RASGEF1C: variants seen among roughly 807,000 people sequenced by gnomAD.
The protein encoded by RASGEF1C is ras-GEF domain-containing family member 1C.
RASGEF1C carries 27 observed loss-of-function variants against 58.1 expected under a neutral mutation model. That is an observed-to-expected ratio of 0.46 (90% CI 0.34 to 0.64). The LOEUF (loss-of-function observed/expected upper bound fraction) is 0.64, where lower values mean the gene tolerates loss of function less well. Among genes scored for constraint, RASGEF1C ranks in the 30% least tolerant of loss-of-function variants. The pLI is 0.01. For missense variants in RASGEF1C, 502 were observed against 605.1 expected, an observed-to-expected ratio of 0.83 and a Z score of 1.79; for synonymous variants, 243 against 246.3, an observed-to-expected ratio of 0.99 and a Z score of 0.13.
At chr5:180,194,657 C>T (rs1269801313) in intron 1 of RASGEF1C, among the ~76,000 whole-genome samples, 1 of 152,240 alleles carries the variant, frequency 6.6e-6, no homozygotes, top group Non-Finnish European at 1.5e-5. Context: ...CCACTGTGGT[C>T]AGGACACTGC....
At position 180,177,468 on chromosome 5, in the gene RASGEF1C, C is replaced by G. The variant is rs573221704; in HGVS notation, c.-7+31560G>C. Among the ~76,000 whole-genome samples the G allele has an allele frequency of 1.3e-5, 2 of 152,252 alleles. No homozygotes were observed. Among genetic ancestry groups the G allele is most frequent in the African/African-American group, 4.8e-5 (2 of 41,472 alleles). Reference sequence around the variant, plus strand: ...GCAGTCCACGGGCAGGGCAGAGCCCCGGGCTTCCTTCCGGGACCCCTGCCA... The same window carrying G: ...GCAGTCCACGGGCAGGGCAGAGCCCGGGGCTTCCTTCCGGGACCCCTGCCA... On this transcript the variant is annotated intron_variant, in intron 1 of 13. Coordinates refer to ENST00000361132, the MANE Select transcript of RASGEF1C (RefSeq NM_175062.4). The surrounding 1 kb of genome is among the most constrained non-coding windows in gnomAD (Gnocchi z 5.0).
rs1480527310 is a variant in RASGEF1C at position 180,137,084 on chromosome 5, G to A, written c.300+506C>T. On this transcript the variant is annotated intron_variant, in intron 3 of 13. Transcript: ENST00000361132. The surrounding 1 kb of genome is among the most constrained non-coding windows in gnomAD (Gnocchi z 4.1). ...AGAGGGCGGGAGGGAGACAGGCCAC[G>A]GTGCAGTGCTGTGGTGTGAGGCCCG... is the stretch of plus-strand genomic sequence containing the variant. 6.6e-6 allele frequency among the ~76,000 whole-genome samples: 1 copy of A among 152,190 alleles called. No homozygotes were observed. The highest frequency in any genetic ancestry group is 1.5e-5 in the Non-Finnish European group (1 of 68,038).
At position 180,102,794 on chromosome 5, in the gene RASGEF1C, C is replaced by T. The variant is rs116695271; in HGVS notation, c.1304-651G>A. ...CTCCCCTAATACTGTGCTGTCTTAACGACCATAGCGCTATCATATCAGCCT... is the reference window on the plus strand; with the variant it reads ...CTCCCCTAATACTGTGCTGTCTTAATGACCATAGCGCTATCATATCAGCCT... On this transcript the variant is annotated intron_variant, in intron 12 of 13. Transcript: ENST00000361132. Among the ~76,000 whole-genome samples, 647 of 152,262 alleles carry T rather than the reference C, an allele frequency of 4.2e-3. 6 individuals carry two copies. The highest frequency in any genetic ancestry group is 0.015 in the African/African-American group (610 of 41,556).
Position 180,158,638 on chromosome 5 carries a change from C to T in RASGEF1C, c.-6-20580G>A, listed in dbSNP as rs539080145. Among the ~76,000 whole-genome samples the T allele has an allele frequency of 5.2e-4, 79 of 152,174 alleles. No individual in the cohort carries two copies. Among genetic ancestry groups the T allele is most frequent in the African/African-American group, 1.7e-3 (71 of 41,524 alleles). ...GTCCTAGTTTTAGTACTGAAAATCCCGTATCCCAAGAAAAACCCCTCAGTC... is the reference window on the plus strand; with the variant it reads ...GTCCTAGTTTTAGTACTGAAAATCCTGTATCCCAAGAAAAACCCCTCAGTC... On this transcript the variant is annotated intron_variant, in intron 1 of 13. Coordinates refer to ENST00000361132, the MANE Select transcript of RASGEF1C (RefSeq NM_175062.4). This position sits in a 1 kb window ranked among gnomAD's most constrained non-coding sequence, Gnocchi z 4.0.
chr5:180,208,988 G>A (rs1253430606), intron 1 of RASGEF1C, 40 bp downstream of exon 1: 1 of 146,370 alleles, frequency 6.8e-6, no homozygotes, highest in Non-Finnish European at 1.5e-5. Flanking sequence ...CCGCGCCCTT[G>A]CCCGCACCGC....
chr5:180,151,218 C>T (rs1766740516), intron 1 of RASGEF1C, among the ~76,000 whole-genome samples: 1 of 152,170 alleles, frequency 6.6e-6, no homozygotes, highest in South Asian at 2.1e-4. Flanking sequence ...AAAAACCACT[C>T]TAAAGTTCAT....
chr5:180,109,437 G>A (rs1765925607), intron 12 of RASGEF1C, among the ~76,000 whole-genome samples: 1 of 152,078 alleles, frequency 6.6e-6, no homozygotes, highest in South Asian at 2.1e-4. Context: ...CAGCCTGGGT[G>A]ACAGAGCGAG....
intron 6 of RASGEF1C, among the ~76,000 whole-genome samples, chr5:180,121,498 G>A (rs139448522): frequency 6.3e-4 from 96 of 152,136 alleles, no homozygotes; most frequent in African/African-American, 1.9e-3. Context: ...TATTTTTAGT[G>A]GAGACGGGGT....
At chr5:180,119,274 C>T (rs1582265366) in intron 8 of RASGEF1C, 72 bp downstream of exon 8, 2 of 1,291,340 alleles carry the variant, frequency 1.5e-6, no homozygotes, top group East Asian at 4.6e-5. Flanking sequence ...ACTCTGCCTG[C>T]CTGGCTGCAC....
At chr5:180,140,238 G>A (rs1235956877) in intron 1 of RASGEF1C, among the ~76,000 whole-genome samples, 1 of 152,232 alleles carries the variant, frequency 6.6e-6, no homozygotes, top group Non-Finnish European at 1.5e-5. Context: ...GAGGGGCTGG[G>A]CTGCCAGTGG....
chr5:180,197,010 T>C lies in RASGEF1C; in HGVS notation c.-7+12018A>G, dbSNP rs970551692. Among the ~76,000 whole-genome samples the C allele has an allele frequency of 2.0e-5, 3 of 152,196 alleles. No individual in the cohort carries two copies. The highest frequency in any genetic ancestry group is 4.4e-5 in the Non-Finnish European group (3 of 68,026). On this transcript the variant is annotated intron_variant, in intron 1 of 13. Coordinates refer to ENST00000361132, the MANE Select transcript of RASGEF1C (RefSeq NM_175062.4). The surrounding 1 kb of genome is among the most constrained non-coding windows in gnomAD (Gnocchi z 4.7). ...CTTCACCCCAGAATGTGGAGCTGGG[T>C]GTGCTGCCCGAGGCTGGCGTCGGTG...
intron 1 of RASGEF1C, 57 bp from the exon 2 acceptor site, chr5:180,138,115 C>T: frequency 1.8e-6 from 2 of 1,110,154 alleles, no homozygotes; most frequent in South Asian, 1.8e-5. Flanking sequence ...GTTGGGTGCA[C>T]CTGAGTGGGA....
At position 180,136,408 on chromosome 5, in the gene RASGEF1C, G is replaced by T. The variant is rs1406103743; in HGVS notation, c.408C>A (p.Asp136Glu). 1.3e-6 allele frequency: 2 copies of T among 1,559,580 alleles called. No homozygotes were observed. The highest frequency in any genetic ancestry group is 2.7e-5 in the African/African-American group (2 of 73,424). Reference protein sequence around the residue: ...QEESTIGHLKDVVGRIAPCDE... With the variant: ...QEESTIGHLKEVVGRIAPCDE... ...CACAGGGGGCGATGCGGCCCACGAC[G>T]TCCTTAAGGTGCCCGATAGTCGACT... Residue 136 changes from aspartate to glutamate, a missense_variant, in exon 4 of 14, where the codon GAC (aspartate) becomes GAA (glutamate). Physicochemically the swap from Asp to Glu is conservative, Grantham distance 45. Transcript: ENST00000361132.
intron 1 of RASGEF1C, among the ~76,000 whole-genome samples, chr5:180,140,655 C>T (rs918936984): frequency 6.6e-6 from 1 of 152,224 alleles, no homozygotes; most frequent in African/African-American, 2.4e-5. Flanking sequence ...CCTCTGGCCT[C>T]TGCATGAGGA....
chr5:180,207,583 T>TC (rs1458966878), intron 1 of RASGEF1C, among the ~76,000 whole-genome samples: 2 of 151,754 alleles, frequency 1.3e-5, no homozygotes, highest in African/African-American at 4.8e-5. Context: ...GCCTGCGGGC[T>TC]CCCCCTCGCC....
chr5:180,206,629 G>A (rs1436184921), intron 1 of RASGEF1C, among the ~76,000 whole-genome samples: 1 of 152,112 alleles, frequency 6.6e-6, no homozygotes, highest in African/African-American at 2.4e-5. Context: ...TAGGTGCAAA[G>A]TTATCCATTA....
intron 1 of RASGEF1C, among the ~76,000 whole-genome samples, chr5:180,170,223 G>A (rs1212049217): frequency 3.9e-5 from 6 of 152,214 alleles, no homozygotes; most frequent in African/African-American, 1.4e-4. Context: ...GGACCAAGCC[G>A]GGCAGCAGGG....
Position 180,101,422 on chromosome 5 carries a change from T to C in RASGEF1C, c.*79A>G. 1 of 1,559,146 alleles carries C rather than the reference T, an allele frequency of 6.4e-7. No homozygotes were observed. Among genetic ancestry groups the C allele is most frequent in the Non-Finnish European group, 8.7e-7 (1 of 1,143,984 alleles). ...AAATAGTGAGGCACTCCCTGGCCTCTGCCCACTGGGCCACTGAGGCAGGGC... is the reference window on the plus strand; with the variant it reads ...AAATAGTGAGGCACTCCCTGGCCTCCGCCCACTGGGCCACTGAGGCAGGGC... On this transcript the variant is annotated 3_prime_UTR_variant, in exon 14 of 14. Coordinates refer to ENST00000361132, the MANE Select transcript of RASGEF1C (RefSeq NM_175062.4).
chr5:180,208,330 CTCTG>C (rs1756527298), intron 1 of RASGEF1C, among the ~76,000 whole-genome samples: 1 of 152,172 alleles, frequency 6.6e-6, no homozygotes, highest in Non-Finnish European at 1.5e-5. Flanking sequence ...AACTTCCCAG[CTCTG>C]TCTTTCCCAC....
Sources: allele counts gnomAD v4.1 joint callset (sites outside exome capture counted in the v4.1 genomes callset), GRCh38; gene constraint gnomAD v4.1.1; non-coding constraint Gnocchi (gnomAD v3.1); transcripts MANE v1.5; gene names NCBI Gene and HGNC (gene_info 2026-07-23, HGNC 2026-07-21).